The following LRRIQ4 variants were observed in gnomAD, a reference collection of about 807,000 sequenced individuals.
The protein encoded by LRRIQ4 is leucine-rich repeat and IQ domain-containing protein 4.
In LRRIQ4, 21 loss-of-function variants were observed where a neutral mutation model predicts 40.1. The observed-to-expected ratio is 0.52, with a 90% CI of 0.37 to 0.75. The LOEUF (loss-of-function observed/expected upper bound fraction) is 0.75, where lower values mean the gene tolerates loss of function less well. Ranked by LOEUF, LRRIQ4 falls within the 30% of genes least tolerant of loss-of-function variation. The pLI, the probability that LRRIQ4 is intolerant of heterozygous loss-of-function variation, is 0.00. For missense variants in LRRIQ4, 655 were observed against 660.0 expected, an observed-to-expected ratio of 0.99 and a Z score of 0.08; for synonymous variants, 277 against 277.1, an observed-to-expected ratio of 1.00 and a Z score of 0.00.
At chr3:169,817,441 G>T (rs1013051946) in intron 1 of LRRIQ4, among the ~76,000 whole-genome samples, 2 of 152,206 alleles carry the variant, frequency 1.3e-5, no homozygotes, top group Non-Finnish European at 2.9e-5. Flanking sequence ...AAATATCTAG[G>T]TACATTTGGT....
At position 169,822,281 on chromosome 3, in the gene LRRIQ4, G is replaced by A. The variant is rs762912811; in HGVS notation, c.360G>A (p.Leu120=). 2.5e-5 allele frequency: 40 copies of A among 1,613,042 alleles called. No individual in the cohort carries two copies. The highest frequency in any genetic ancestry group is 5.0e-5 in the Admixed American group (3 of 59,774). The change falls in exon 2 of 6, where the codon CTG becomes CTA. Residue 120 remains leucine (L), a synonymous_variant. Coordinates refer to ENST00000340806, the MANE Select transcript of LRRIQ4 (RefSeq NM_001080460.3). ...TCGTTGTCAGCTTCCTCCACGCCCTGCGCGAGCTCCGGCTCTACCAGACCG... is the reference window on the plus strand; with the variant it reads ...TCGTTGTCAGCTTCCTCCACGCCCTACGCGAGCTCCGGCTCTACCAGACCG... ...SLVVVSFLHA[L]RELRLYQTDL...
rs1466059629 is a variant in LRRIQ4, at chr3:169,837,580, G to C, written c.1632G>C (p.Lys544Asn). The C allele has an allele frequency of 6.3e-7, 1 of 1,594,114 alleles. No individual in the cohort carries two copies. The highest frequency in any genetic ancestry group is 2.3e-5 in the East Asian group (1 of 44,384). The change falls in exon 6 of 6, where the codon AAG becomes AAC. Residue 544 changes from lysine to asparagine, a missense_variant. Lys to Asn is a moderately conservative substitution (Grantham distance 94). Coordinates refer to ENST00000340806, the MANE Select transcript of LRRIQ4 (RefSeq NM_001080460.3). ...QKKGKTSPKD[K>N]KGKKDVKGKP... ...AAGGAAAGACCTCTCCAAAAGATAA[G>C]AAAGGAAAGAAGGATGTAAAAGGAA...
At chr3:169,817,633 A>G (rs921330549) in intron 1 of LRRIQ4, among the ~76,000 whole-genome samples, 1 of 152,200 alleles carries the variant, frequency 6.6e-6, no homozygotes, top group Non-Finnish European at 1.5e-5. Flanking sequence ...ATGTATATTT[A>G]TGATCGTTAT....
At chr3:169,820,028 C>T (rs1779844281) in intron 1 of LRRIQ4, among the ~76,000 whole-genome samples, 1 of 152,122 alleles carries the variant, frequency 6.6e-6, no homozygotes, top group African/African-American at 2.4e-5. Flanking sequence ...AGGCATAAAG[C>T]AACAAGCACC....
At position 169,813,049 on chromosome 3, in the gene LRRIQ4, A is replaced by G. The variant is rs1272260572; in HGVS notation, c.-32+3A>G. The G allele has an allele frequency of 6.5e-6, 1 of 154,670 alleles. No homozygotes were observed. Among genetic ancestry groups the G allele is most frequent in the African/African-American group, 2.4e-5 (1 of 41,592 alleles). 9.6% of individuals were successfully genotyped at this position (154,670 alleles called of 1,614,324 possible). ...TGGTGCGTTCTGGGCATGCGCAGGT[A>G]CTTGAATGTACTCAGATCAGTACAG... is the stretch of plus-strand genomic sequence containing the variant. On this transcript the variant is annotated splice_donor_region_variant and intron_variant, in intron 1 of 5. Transcript: ENST00000340806.
At chr3:169,830,377 GAAAAAAAAAA>G (rs56795981) in intron 3 of LRRIQ4, 105 bp from the exon 4 acceptor site, 693 of 106,612 alleles carry the variant, frequency 6.5e-3, no homozygotes, top group East Asian at 0.016. Flanking sequence ...CACTGAAAGT[GAAAAAAAAAA>G]AAAAAAAAAA....
chr3:169,832,749 C>G (rs1780209832), intron 4 of LRRIQ4, among the ~76,000 whole-genome samples: 1 of 150,900 alleles, frequency 6.6e-6, no homozygotes, highest in South Asian at 2.1e-4. Flanking sequence ...TCTAAACAAA[C>G]AAAACATTTG....
intron 5 of LRRIQ4, among the ~76,000 whole-genome samples, chr3:169,833,970 A>C (rs1780245195): frequency 6.6e-6 from 1 of 152,240 alleles, no homozygotes; most frequent in Non-Finnish European, 1.5e-5. Flanking sequence ...TTCCAAAATA[A>C]ATTCAGAGAT....
In LRRIQ4 at chr3:169,828,770, A is replaced by C; in HGVS notation, c.1032A>C (p.Glu344Asp). 6.2e-7 allele frequency: 1 copy of C among 1,612,234 alleles called. No homozygotes were observed. The highest frequency in any genetic ancestry group is 8.5e-7 in the Non-Finnish European group (1 of 1,179,478). ...DDNKIGQLPSELGSLSKLKIL... is the reference protein window; with the variant it reads ...DDNKIGQLPSDLGSLSKLKIL... The stretch of plus-strand genomic sequence containing the variant: ...TGGAATACTTCTAGTTACCTTCAGA[A>C]TTGGGCTCACTTTCAAAACTGAAGA... The change falls in exon 3 of 6, where the codon GAA becomes GAC. Residue 344 changes from glutamate to aspartate, a missense_variant. Coordinates refer to ENST00000340806, the MANE Select transcript of LRRIQ4 (RefSeq NM_001080460.3).
chr3:169,836,475 A>T (rs1199653212), intron 5 of LRRIQ4, among the ~76,000 whole-genome samples: 1 of 139,788 alleles, frequency 7.2e-6, no homozygotes, highest in Non-Finnish European at 1.5e-5. Context: ...GTGTCTTCAT[A>T]TAACAGAAAG....
intron 3 of LRRIQ4, among the ~76,000 whole-genome samples, chr3:169,829,529 TTTG>T (rs1780116276): frequency 1.3e-5 from 2 of 152,104 alleles, no homozygotes; most frequent in African/African-American, 4.8e-5. Context: ...CACTTTTTTT[TTTG>T]ACAGAGTTTC....
At chr3:169,836,748 G>A (rs946255565) in intron 5 of LRRIQ4, among the ~76,000 whole-genome samples, 1 of 152,196 alleles carries the variant, frequency 6.6e-6, no homozygotes, top group African/African-American at 2.4e-5. Context: ...TCTGAATACT[G>A]AGAAGAGTTC....
intron 4 of LRRIQ4, among the ~76,000 whole-genome samples, chr3:169,831,958 T>G (rs972241407): frequency 6.7e-6 from 1 of 148,862 alleles, no homozygotes; most frequent in African/African-American, 2.5e-5. Flanking sequence ...AGGGCAAGAC[T>G]CCGTTTTAAT....
At chr3:169,826,357 C>T (rs9812653) in intron 2 of LRRIQ4, among the ~76,000 whole-genome samples, 2 of 149,422 alleles carry the variant, frequency 1.3e-5, no homozygotes, top group African/African-American at 2.5e-5. Context: ...GTACCATTGC[C>T]GTCCAGCCGA....
intron 2 of LRRIQ4, among the ~76,000 whole-genome samples, chr3:169,827,816 T>C (rs1242907903): frequency 1.3e-5 from 2 of 152,112 alleles, no homozygotes; most frequent in East Asian, 1.9e-4. Flanking sequence ...CTATAAAAAG[T>C]ATGCAAGCAC....
chr3:169,832,266 G>A (rs981382825), intron 4 of LRRIQ4, among the ~76,000 whole-genome samples: 10 of 151,770 alleles, frequency 6.6e-5, no homozygotes, highest in Non-Finnish European at 1.0e-4. Context: ...TCAGGAGTTC[G>A]AAACCAGCCT....
rs745945233 is a variant in LRRIQ4 at position 169,822,312 on chromosome 3, A to G, written c.391A>G (p.Lys131Glu). The stretch of plus-strand genomic sequence containing the variant: ...GCTCCGGCTCTACCAGACCGACCTG[A>G]AGGAAATTCCCGTCGTCATCTTTAA... Reference protein sequence around the residue: ...RELRLYQTDLKEIPVVIFKNL... With the variant: ...RELRLYQTDLEEIPVVIFKNL... Residue 131 changes from lysine (K) to glutamate (E), a missense_variant, in exon 2 of 6, where the codon AAG (lysine) becomes GAG (glutamate). Transcript: ENST00000340806. The G allele has an allele frequency of 1.2e-6, 2 of 1,613,876 alleles. No homozygotes were observed. Among genetic ancestry groups the G allele is most frequent in the South Asian group, 2.2e-5 (2 of 91,058 alleles).
intron 1 of LRRIQ4, among the ~76,000 whole-genome samples, chr3:169,819,098 A>G (rs1779821096): frequency 6.6e-6 from 1 of 152,234 alleles, no homozygotes; most frequent in African/African-American, 2.4e-5. Context: ...TCACCCGACC[A>G]TAATATTGGA....
chr3:169,821,855 A>C (rs1158373357), intron 1 of LRRIQ4, 36 bp from the exon 2 acceptor site: 3 of 1,183,104 alleles, frequency 2.5e-6, no homozygotes, highest in Non-Finnish European at 3.4e-6. Flanking sequence ...TGGCAGGTAA[A>C]TTCTATTTTT....
Sources: allele counts gnomAD v4.1 joint callset (sites outside exome capture counted in the v4.1 genomes callset), GRCh38; gene constraint gnomAD v4.1.1; transcripts MANE v1.5; gene names NCBI Gene and HGNC (gene_info 2026-07-23, HGNC 2026-07-21).